The following TFDP2 variants were observed in gnomAD, a reference collection of about 807,000 sequenced individuals.
TFDP2 encodes transcription factor Dp-2.
TFDP2 carries 17 observed loss-of-function variants against 59.3 expected under a neutral mutation model. That is an observed-to-expected ratio of 0.29 (90% CI 0.20 to 0.43). TFDP2 has a LOEUF of 0.43. TFDP2 is among the 20% of genes least tolerant of loss of function. The pLI is 1.00. For missense variants in TFDP2, 391 were observed against 528.8 expected, an observed-to-expected ratio of 0.74 and a Z score of 2.56; for synonymous variants, 180 against 194.7, an observed-to-expected ratio of 0.92 and a Z score of 0.63.
intron 2 of TFDP2, among the ~76,000 whole-genome samples, chr3:142,100,006 C>T (rs2061272821): frequency 6.6e-6 from 1 of 152,056 alleles, no homozygotes; most frequent in African/African-American, 2.4e-5. Flanking sequence ...GATGACTGTC[C>T]CCAAATGATA....
chr3:142,021,729 C>T (rs1158585651), intron 3 of TFDP2, among the ~76,000 whole-genome samples: 1 of 152,184 alleles, frequency 6.6e-6, no homozygotes, highest in Non-Finnish European at 1.5e-5. Flanking sequence ...AAGATTTAAA[C>T]AGTATCTCCT....
At chr3:142,115,559 C>A (rs945363528) in intron 1 of TFDP2, among the ~76,000 whole-genome samples, 44 of 152,302 alleles carry the variant, frequency 2.9e-4, no homozygotes, top group Admixed American at 1.6e-3. Context: ...ACCTCGTGAT[C>A]CGCCGGCCTC....
chr3:142,002,059 A>G (rs1943828886), intron 4 of TFDP2, among the ~76,000 whole-genome samples: 1 of 150,246 alleles, frequency 6.7e-6, no homozygotes, highest in South Asian at 2.1e-4. Flanking sequence ...CAGTGGTGCA[A>G]TCTCTGCTCA....
At chr3:142,046,916 A>G (rs1260306227) in intron 3 of TFDP2, among the ~76,000 whole-genome samples, 2 of 152,212 alleles carry the variant, frequency 1.3e-5, no homozygotes, top group Non-Finnish European at 1.5e-5. Flanking sequence ...TGAGCCCAAA[A>G]GGTCCTAAAA....
chr3:142,073,365 T>C (rs2060314909), intron 3 of TFDP2, among the ~76,000 whole-genome samples: 1 of 149,746 alleles, frequency 6.7e-6, no homozygotes, highest in Non-Finnish European at 1.5e-5. Flanking sequence ...AAAATTTTTC[T>C]GTAAGCCTAA....
At chr3:142,036,581 AC>A (rs990378094) in intron 3 of TFDP2, among the ~76,000 whole-genome samples, 188 of 152,292 alleles carry the variant, frequency 1.2e-3, no homozygotes, top group African/African-American at 4.4e-3. Context: ...CATCTAGAAG[AC>A]CACATAGTAG....
At chr3:141,983,989 GA>G (rs1941777383) in intron 6 of TFDP2, among the ~76,000 whole-genome samples, 1 of 152,094 alleles carries the variant, frequency 6.6e-6, no homozygotes. Context: ...CTGAAAGCAG[GA>G]ACAACAGATA....
Position 141,952,966 on chromosome 3 carries a change from T to G in TFDP2, c.1102A>C (p.Thr368Pro), listed in dbSNP as rs748643631. ...AGGTCTAAATTTGAAACTGATTGGGTAGAGTTCAGAAGTAGTCCCTGATTT... is the reference window on the plus strand; with the variant it reads ...AGGTCTAAATTTGAAACTGATTGGGGAGAGTTCAGAAGTAGTCCCTGATTT... Reference protein sequence around the residue: ...WLNQGLLLNSTQSVSNLDLTT... With the variant: ...WLNQGLLLNSPQSVSNLDLTT... Residue 368 changes from threonine to proline, a missense_variant, in exon 12 of 13, where the codon ACC becomes CCC. This residue lies in a region of TFDP2 where 223 missense variants were observed against 292.5 expected (regional missense o/e 0.76). Transcript: ENST00000489671. The G allele has an allele frequency of 1.1e-5, 17 of 1,614,014 alleles. No homozygotes were observed. The highest frequency in any genetic ancestry group is 1.4e-5 in the Non-Finnish European group (16 of 1,179,992).
At chr3:142,024,410 C>A (rs952379282) in intron 3 of TFDP2, among the ~76,000 whole-genome samples, 1 of 152,198 alleles carries the variant, frequency 6.6e-6, no homozygotes, top group African/African-American at 2.4e-5. Context: ...AAGCACCATA[C>A]TCATACTGGT....
chr3:142,113,712 TC>T, intron 1 of TFDP2, among the ~76,000 whole-genome samples: 1 of 152,280 alleles, frequency 6.6e-6, no homozygotes, highest in South Asian at 2.1e-4. Flanking sequence ...AATGGGGCAT[TC>T]AAAAGGAAGC....
At chr3:142,148,945 C>A (rs532223055) in intron 1 of TFDP2, among the ~76,000 whole-genome samples, 83 of 152,328 alleles carry the variant, frequency 5.4e-4, no homozygotes, top group Non-Finnish European at 9.8e-4. Context: ...GACTCAGGGA[C>A]GTTACCTCCC....
chr3:142,115,804 A>G (rs757740384), intron 1 of TFDP2, among the ~76,000 whole-genome samples: 9 of 152,310 alleles, frequency 5.9e-5, no homozygotes, highest in Non-Finnish European at 1.2e-4. Flanking sequence ...GTAACAGAAC[A>G]GTTTTGTATC....
At chr3:141,956,095 A>C (rs1218704282) in intron 11 of TFDP2, among the ~76,000 whole-genome samples, 1 of 152,230 alleles carries the variant, frequency 6.6e-6, no homozygotes, top group East Asian at 1.9e-4. Context: ...GGCGTAAGCC[A>C]CCGCACCCAA....
intron 11 of TFDP2, among the ~76,000 whole-genome samples, chr3:141,955,429 C>T (rs192775010): frequency 2.0e-5 from 3 of 152,252 alleles, no homozygotes; most frequent in South Asian, 4.1e-4. Context: ...TTGAGTAAGC[C>T]CTTTATTCAG....
rs1935968339 is a variant in TFDP2 at position 141,951,780 on chromosome 3, A to G, written c.*733T>C. The stretch of plus-strand genomic sequence containing the variant: ...GCAGTGCTGGCAAAGTATTTAATGC[A>G]CATGGAAATGCTATTCTATTTTGGC... On this transcript the variant is annotated 3_prime_UTR_variant, in exon 13 of 13. Transcript: ENST00000489671. The G allele has an allele frequency of 6.5e-6, 1 of 152,684 alleles. No homozygotes were observed. Among genetic ancestry groups the G allele is most frequent in the Non-Finnish European group, 1.5e-5 (1 of 68,042 alleles). 9.5% of individuals were successfully genotyped at this position (152,684 alleles called of 1,614,324 possible).
chr3:142,025,109 C>T (rs7644383), intron 3 of TFDP2, among the ~76,000 whole-genome samples: 122,475 of 152,004 alleles, frequency 0.81, 49,896 homozygotes, highest in African/African-American at 0.94. Context: ...TAAGGAATTA[C>T]CTCTAAATGG....
At chr3:141,973,346 T>A (rs1940132490) in intron 8 of TFDP2, among the ~76,000 whole-genome samples, 1 of 152,016 alleles carries the variant, frequency 6.6e-6, no homozygotes, top group Non-Finnish European at 1.5e-5. Flanking sequence ...CCCAAAGTGC[T>A]GGGATTACAG....
At chr3:142,137,643 G>A (rs1206074991) in intron 1 of TFDP2, among the ~76,000 whole-genome samples, 1 of 152,150 alleles carries the variant, frequency 6.6e-6, no homozygotes, top group Non-Finnish European at 1.5e-5. Context: ...TAATCATGTG[G>A]TTTTTGTCGT....
intron 3 of TFDP2, among the ~76,000 whole-genome samples, chr3:142,021,650 C>G (rs907294): frequency 6.6e-6 from 1 of 152,186 alleles, no homozygotes; most frequent in Non-Finnish European, 1.5e-5. Context: ...TATCTAGAAC[C>G]ATGAATGCCC....
Sources: allele counts gnomAD v4.1 joint callset (sites outside exome capture counted in the v4.1 genomes callset), GRCh38; gene constraint gnomAD v4.1.1; regional missense constraint gnomAD v4.1.1; transcripts MANE v1.5; gene names NCBI Gene and HGNC (gene_info 2026-07-23, HGNC 2026-07-21).